The following KIF15 variants were observed in gnomAD, a reference collection of about 807,000 sequenced individuals.
KIF15 encodes the protein kinesin-like protein KIF15.
A neutral mutation model predicts 190.6 loss-of-function variants in KIF15; 140 were observed. The observed-to-expected ratio is 0.73, with a 90% confidence interval of 0.64 to 0.84. KIF15 has a LOEUF of 0.84. KIF15 is among the 40% of genes least tolerant of loss of function. The probability of loss-of-function intolerance (pLI) is 0.00; values close to 1 mark genes in which losing one functional copy is unlikely to be tolerated. For synonymous variants in KIF15, 528 were observed against 551.3 expected, an observed-to-expected ratio of 0.96 and a Z score of 0.59; for missense variants, 1,372 against 1,584.4, an observed-to-expected ratio of 0.87 and a Z score of 2.28.
intron 10 of KIF15, chr3:44,799,293 T>C: frequency 2.2e-6 from 1 of 456,694 alleles, no homozygotes; most frequent in South Asian, 1.5e-5. Context: ...CTCTCAATGG[T>C]AAGCCCTTTG....
intron 3 of KIF15, among the ~76,000 whole-genome samples, chr3:44,776,293 A>G (rs566429893): frequency 6.7e-6 from 1 of 150,362 alleles, no homozygotes; most frequent in East Asian, 2.0e-4. Flanking sequence ...GTAGTGGCAC[A>G]TGCCTGTTAT....
chr3:44,805,034 A>G lies in KIF15; in HGVS notation c.1695A>G (p.Gln565=). The change falls in exon 15 of 35, where the codon CAA becomes CAG. Residue 565 remains glutamine, a synonymous_variant. Transcript: ENST00000326047. ...SGMEKSDKNQ[Q]GFSPKAQKEP... ...TTGTTTTCTTATTAACAGATCAGCA[A>G]GGATTTTCACCTAAAGCTCAGAAAG... The G allele has an allele frequency of 1.2e-6, 2 of 1,608,340 alleles. No homozygotes were observed. Among genetic ancestry groups the G allele is most frequent in the East Asian group, 2.2e-5 (1 of 44,846 alleles).
chr3:44,845,539 C>G (rs1008533419), intron 30 of KIF15, among the ~76,000 whole-genome samples: 2 of 151,908 alleles, frequency 1.3e-5, no homozygotes, highest in Admixed American at 1.3e-4. Context: ...AAGAAAGAAA[C>G]TCTGGCCCCT....
downstream of KIF15, among the ~76,000 whole-genome samples, chr3:44,858,174 G>T (rs1011953144): frequency 6.6e-6 from 1 of 152,176 alleles, no homozygotes; most frequent in African/African-American, 2.4e-5. Flanking sequence ...ATCAAGAATG[G>T]AATAGTGAGT....
intron 20 of KIF15, among the ~76,000 whole-genome samples, chr3:44,824,339 C>G (rs1339483402): frequency 6.6e-6 from 1 of 152,330 alleles, no homozygotes; most frequent in East Asian, 1.9e-4. Flanking sequence ...ACCCCTTTCT[C>G]TTTAGAGACA....
Position 44,794,439 on chromosome 3 carries a change from T to G in KIF15, c.849+13T>G. ...GATGAGATTGAAGGTAAGAATGAAA[T>G]TATGGTCTTCAACTTGTGTGTGAGT... On this transcript the variant is annotated intron_variant, in intron 8 of 34. Transcript: ENST00000326047. The G allele has an allele frequency of 6.4e-7, 1 of 1,563,066 alleles. No individual in the cohort carries two copies. Among genetic ancestry groups the G allele is most frequent in the African/African-American group, 1.4e-5 (1 of 73,596 alleles).
chr3:44,809,309 G>T (rs1707676437), intron 16 of KIF15, among the ~76,000 whole-genome samples: 1 of 151,972 alleles, frequency 6.6e-6, no homozygotes, highest in African/African-American at 2.4e-5. Context: ...TTCAGATTTT[G>T]TTTTTATGTA....
At chr3:44,791,964 C>T (rs1706725875) in intron 7 of KIF15, among the ~76,000 whole-genome samples, 1 of 152,056 alleles carries the variant, frequency 6.6e-6, no homozygotes, top group South Asian at 2.1e-4. Context: ...GGTAATCCAC[C>T]TGCCTTGGCC....
intron 20 of KIF15, among the ~76,000 whole-genome samples, chr3:44,820,204 G>T (rs1443416917): frequency 6.6e-6 from 1 of 152,086 alleles, no homozygotes; most frequent in African/African-American, 2.4e-5. Flanking sequence ...CAATTTGCCA[G>T]TTGGTGTCTT....
At chr3:44,826,891 A>G in intron 22 of KIF15, 2 of 371,188 alleles carry the variant, frequency 5.4e-6, no homozygotes, top group Non-Finnish European at 5.4e-6. Flanking sequence ...GTCTCAGTGA[A>G]TCTTTGGGCC....
intron 4 of KIF15, 61 bp from the exon 5 acceptor site, chr3:44,780,821 TATA>T: frequency 1.9e-6 from 2 of 1,074,596 alleles, no homozygotes; most frequent in South Asian, 2.9e-5. Context: ...ACACTAGTAT[TATA>T]ATAGGAGGAG....
At chr3:44,861,905 G>A (rs998999413) in intron 6 of KIF15, 59 of 1,487,138 alleles carry the variant, frequency 4.0e-5, no homozygotes, top group Non-Finnish European at 5.3e-5. Flanking sequence ...CGGGTGCCAG[G>A]CACGGTGTCA....
At chr3:44,864,353 C>T in intron 6 of KIF15, 1 of 1,614,012 alleles carries the variant, frequency 6.2e-7, no homozygotes, top group Non-Finnish European at 8.5e-7. Flanking sequence ...GGTGAGTAGC[C>T]TGAGGGTGTG....
downstream of KIF15, among the ~76,000 whole-genome samples, chr3:44,857,551 T>C (rs1057259140): frequency 2.2e-4 from 34 of 152,184 alleles, no homozygotes; most frequent in African/African-American, 8.0e-4. Flanking sequence ...AGAGAGCTAG[T>C]GCAGGAGCAG....
intron 26 of KIF15, among the ~76,000 whole-genome samples, chr3:44,832,655 G>T (rs1459033657): frequency 6.6e-6 from 1 of 152,166 alleles, no homozygotes; most frequent in South Asian, 2.1e-4. Context: ...GCTATTCCCA[G>T]TAATTTGTAT....
intron 18 of KIF15, 40 bp from the exon 19 acceptor site, chr3:44,813,035 C>T: frequency 8.4e-7 from 1 of 1,197,470 alleles, no homozygotes; most frequent in Non-Finnish European, 1.2e-6. Flanking sequence ...CTTAGCATGC[C>T]AGTATTCCTT....
intron 20 of KIF15, among the ~76,000 whole-genome samples, chr3:44,820,719 G>C (rs1708231801): frequency 6.6e-6 from 1 of 152,282 alleles, no homozygotes; most frequent in South Asian, 2.1e-4. Flanking sequence ...TCTTAGTACA[G>C]AACAAAATGA....
At chr3:44,834,074 A>G (rs1698195551) in intron 26 of KIF15, among the ~76,000 whole-genome samples, 2 of 152,180 alleles carry the variant, frequency 1.3e-5, no homozygotes, top group Non-Finnish European at 2.9e-5. Flanking sequence ...AAATGTGACT[A>G]CGAATATTGT....
chr3:44,790,265 C>T (rs753483538), intron 7 of KIF15, among the ~76,000 whole-genome samples: 2 of 152,056 alleles, frequency 1.3e-5, no homozygotes, highest in African/African-American at 2.4e-5. Flanking sequence ...TCAACCTCTG[C>T]CTCCTGGGTT....
Sources: allele counts gnomAD v4.1 joint callset (sites outside exome capture counted in the v4.1 genomes callset), GRCh38; gene constraint gnomAD v4.1.1; transcripts MANE v1.5; gene names NCBI Gene and HGNC (gene_info 2026-07-23, HGNC 2026-07-21).